The following MPP3 variants were observed in gnomAD, a reference collection of about 807,000 sequenced individuals.
The protein encoded by MPP3 is MAGUK p55 subfamily member 3.
MPP3 carries 48 observed loss-of-function variants against 80.7 expected under a neutral mutation model. That is an observed-to-expected ratio of 0.59 (90% CI 0.47 to 0.76). The LOEUF is 0.76. Among genes scored for constraint, MPP3 ranks in the 30% least tolerant of loss-of-function variants. The probability of loss-of-function intolerance (pLI) is 0.00; values close to 1 mark genes in which losing one functional copy is unlikely to be tolerated. For missense variants in MPP3, 620 were observed against 763.0 expected (o/e 0.81, Z 2.21); for synonymous variants, 311 against 297.6 (o/e 1.04, Z -0.46).
At position 43,813,997 on chromosome 17, in the gene MPP3, A is replaced by G. The variant is rs772445829; in HGVS notation, c.1255+14T>C. ...TGTGCAGACAAACACACACTCCCAC[A>G]TGGGCCCTCTTACGTGGAACAGCGA... On this transcript the variant is annotated intron_variant, in intron 16 of 19. Coordinates refer to ENST00000398389, the MANE Select transcript of MPP3 (RefSeq NM_001932.6). The G allele has an allele frequency of 2.5e-6, 4 of 1,601,290 alleles. No individual in the cohort carries two copies. The African/African-American group carries it at 4.0e-5, about 16-fold the overall frequency.
intron 19 of MPP3, among the ~76,000 whole-genome samples, chr17:43,806,859 T>C (rs986656227): frequency 2.0e-5 from 3 of 151,968 alleles, no homozygotes; most frequent in African/African-American, 7.3e-5. Context: ...CCACCCGCCT[T>C]GGCCCTCCAA....
intron 8 of MPP3, 101 bp downstream of exon 8, chr17:43,827,650 C>T (rs2045774811): frequency 9.2e-7 from 1 of 1,085,558 alleles, no homozygotes; most frequent in East Asian, 2.5e-5. Context: ...AAACAGGTGA[C>T]CTGATAGGAG....
chr17:43,803,611 G>T (rs1466774979), intron 19 of MPP3, among the ~76,000 whole-genome samples: 1 of 152,176 alleles, frequency 6.6e-6, no homozygotes, highest in East Asian at 1.9e-4. Context: ...CAGGAACTCA[G>T]GTGCCAGACA....
intron 9 of MPP3, among the ~76,000 whole-genome samples, chr17:43,824,853 C>T (rs1051406777): frequency 5.3e-5 from 8 of 152,182 alleles, no homozygotes; most frequent in African/African-American, 1.9e-4. Context: ...CGACTCCCTG[C>T]AACCTCCACC....
chr17:43,829,211 A>G (rs780255384), intron 7 of MPP3, among the ~76,000 whole-genome samples: 2 of 152,222 alleles, frequency 1.3e-5, no homozygotes, highest in Non-Finnish European at 2.9e-5. Flanking sequence ...GGCCACATGT[A>G]AATATTTGAG....
At chr17:43,826,315 T>G (rs2045693386) in intron 8 of MPP3, among the ~76,000 whole-genome samples, 1 of 152,228 alleles carries the variant, frequency 6.6e-6, no homozygotes, top group African/African-American at 2.4e-5. Context: ...CCTGAATGAC[T>G]AATGTCTCTG....
rs1172626563 is a variant in MPP3 at position 43,814,230 on chromosome 17, G to A, written c.1141C>T (p.Pro381Ser). 1.2e-6 allele frequency: 2 copies of A among 1,613,602 alleles called. No homozygotes were observed. Among genetic ancestry groups the A allele is most frequent in the East Asian group, 2.2e-5 (1 of 44,862 alleles). The change falls in exon 15 of 20, where the codon CCC becomes TCC. Residue 381 changes from proline to serine, a missense_variant. Coordinates refer to ENST00000398389, the MANE Select transcript of MPP3 (RefSeq NM_001932.6). ...YEEVARYQHQ[P>S]GERPRLVVLI... The stretch of plus-strand genomic sequence containing the variant: ...ACCACCAGGCGGGGCCGCTCTCCGG[G>A]CTGGTGTTGGTACCTGGCCACCTCT...
chr17:43,828,918 C>T (rs2045835391), intron 7 of MPP3, among the ~76,000 whole-genome samples: 1 of 152,160 alleles, frequency 6.6e-6, no homozygotes, highest in African/African-American at 2.4e-5. Flanking sequence ...AGTGAGGAAA[C>T]AGAGGCAGAG....
In MPP3 at chr17:43,807,712, T is replaced by G. The variant is rs577920104; in HGVS notation, c.1581+1244A>C. Among the ~76,000 whole-genome samples the G allele has an allele frequency of 5.7e-4, 87 of 152,154 alleles. 2 individuals are homozygous for G. The South Asian group carries it at 0.017, about 30-fold the overall frequency. On this transcript the variant is annotated intron_variant, in intron 19 of 19. Transcript: ENST00000398389. ...GGCTCACACCTGTAATCCCAACACT[T>G]TGGGAAGCTGAGGCAGGAGGATCAT...
In MPP3 at chr17:43,825,853, A is replaced by G. The variant is rs777514945; in HGVS notation, c.524-12T>C. ...AACGTGGACCAGGCCTAGGAGACAC[A>G]GGGACTGACCATCAGCACAGGAGGA... is the stretch of plus-strand genomic sequence containing the variant. On this transcript the variant is annotated splice_polypyrimidine_tract_variant and intron_variant, in intron 8 of 19. Transcript: ENST00000398389. 3 of 1,558,276 alleles carry G rather than the reference A, an allele frequency of 1.9e-6. No individual in the cohort carries two copies. The highest frequency in any genetic ancestry group is 2.7e-6 in the Non-Finnish European group (3 of 1,129,032).
At chr17:43,828,717 A>C (rs2045826977) in intron 7 of MPP3, among the ~76,000 whole-genome samples, 1 of 152,208 alleles carries the variant, frequency 6.6e-6, no homozygotes, top group Admixed American at 6.5e-5. Context: ...GAAGTACGTA[A>C]GATAATTATT....
chr17:43,810,460 C>G (rs1413681403), intron 18 of MPP3, among the ~76,000 whole-genome samples: 3 of 152,108 alleles, frequency 2.0e-5, no homozygotes, highest in Admixed American at 6.6e-5. Context: ...GAGCTCAGCC[C>G]CAGTTTCACC....
rs375570167 is a variant in MPP3, at chr17:43,809,081, G to A, written c.1459-3C>T. ...GAGGTCCTCAGTTGTTTCAGTGCCT[G>A]AGAAAGAAAGTTCAGGAATATTATA... is the stretch of plus-strand genomic sequence containing the variant. On this transcript the variant is annotated splice_polypyrimidine_tract_variant and splice_region_variant and intron_variant, in intron 18 of 19. Coordinates refer to ENST00000398389, the MANE Select transcript of MPP3 (RefSeq NM_001932.6). 9 of 1,579,500 alleles carry A rather than the reference G, an allele frequency of 5.7e-6. No individual in the cohort carries two copies. The African/African-American group carries it at 1.1e-4, about 19-fold the overall frequency.
chr17:43,814,904 A>G (rs1239316449), intron 14 of MPP3, among the ~76,000 whole-genome samples: 1 of 152,264 alleles, frequency 6.6e-6, no homozygotes, highest in East Asian at 1.9e-4. Flanking sequence ...GACTCAGGAA[A>G]AAAAAATTCA....
At chr17:43,803,416 G>A (rs2044491345) in intron 19 of MPP3, among the ~76,000 whole-genome samples, 1 of 152,048 alleles carries the variant, frequency 6.6e-6, no homozygotes, top group Non-Finnish European at 1.5e-5. Flanking sequence ...TCCTTTCCTG[G>A]CCTGTAACGA....
rs2044838532 is a variant in MPP3 at position 43,811,146 on chromosome 17, T to C, written c.1315A>G (p.Lys439Glu). ...TGTAAGTCGGCCTCAAATGCTTGCT[T>C]AGACACAAAGTGATATTCCACTCCT... ...KEGVEYHFVS[K>E]QAFEADLHHN... The change falls in exon 17 of 20, where the codon AAG becomes GAG. Residue 439 changes from lysine to glutamate, a missense_variant. Transcript: ENST00000398389. The C allele has an allele frequency of 1.2e-6, 2 of 1,614,124 alleles. No homozygotes were observed. The highest frequency in any genetic ancestry group is 2.7e-5 in the African/African-American group (2 of 74,948).
chr17:43,829,844 C>G, intron 6 of MPP3, 53 bp from the exon 7 acceptor site: 1 of 1,610,670 alleles, frequency 6.2e-7, no homozygotes, highest in African/African-American at 1.3e-5. Context: ...ACAGGGTCAG[C>G]AGGCCGCAGC....
In MPP3 at chr17:43,820,998, C is replaced by T. The variant is rs772508202; in HGVS notation, c.745G>A (p.Glu249Lys). 5.6e-6 allele frequency: 9 copies of T among 1,614,106 alleles called. No homozygotes were observed. Among genetic ancestry groups the T allele is most frequent in the Non-Finnish European group, 7.6e-6 (9 of 1,180,016 alleles). Residue 249 changes from glutamate to lysine, a missense_variant, in exon 11 of 20, where the codon GAG (glutamate) becomes AAG (lysine). Transcript: ENST00000398389. Reference sequence around the variant, plus strand: ...CTGCGCTGGAAGGGCAGGCCCGCCTCCTGGCAAGGGATGGCCCGGTCCTCC... The same window carrying T: ...CTGCGCTGGAAGGGCAGGCCCGCCTTCTGGCAAGGGATGGCCCGGTCCTCC... ...PREDRAIPCQEAGLPFQRRQV... is the reference protein window; with the variant it reads ...PREDRAIPCQKAGLPFQRRQV...
intron 19 of MPP3, among the ~76,000 whole-genome samples, chr17:43,806,716 C>T (rs1398625064): frequency 2.6e-5 from 4 of 151,786 alleles, no homozygotes; most frequent in African/African-American, 7.3e-5. Flanking sequence ...TCAAGCAATT[C>T]TCCTGCCTCA....
Sources: gnomAD v4.1 joint callset for allele counts (sites outside exome capture counted in the v4.1 genomes callset) on GRCh38, gnomAD v4.1.1 for gene constraint, MANE v1.5 for transcripts, NCBI Gene and HGNC (gene_info 2026-07-23, HGNC 2026-07-21) for gene names.